The following ANTXR2 variants were observed in gnomAD, a reference collection of about 807,000 sequenced individuals.
The protein encoded by ANTXR2 is anthrax toxin receptor 2.
Under a neutral mutation model 73.7 loss-of-function variants are expected in ANTXR2, and 44 were observed. That is an observed-to-expected ratio of 0.60 (90% CI 0.47 to 0.77). The LOEUF is 0.77. Ranked by LOEUF, ANTXR2 falls within the 30% of genes least tolerant of loss-of-function variation. ANTXR2 has a pLI of 0.00. For missense variants in ANTXR2, 604 were observed against 592.5 expected (o/e 1.02, Z -0.20); for synonymous variants, 217 against 205.9 (o/e 1.05, Z -0.46).
Position 80,008,572 on chromosome 4 carries a change from T to C in ANTXR2, c.990A>G (p.Leu330=). Residue 330 remains leucine (L), a synonymous_variant, in exon 12 of 17, where the codon CTA becomes CTG. Transcript: ENST00000403729. ...ACCACATCAAACCGATCCCCAGGAG[T>C]AGCAGTAACACCAAAATAACAATGA... ...AAIIVILVLL[L]LLGIGLMWWF... The C allele has an allele frequency of 6.2e-7, 1 of 1,607,044 alleles. No individual in the cohort carries two copies. The highest frequency in any genetic ancestry group is 1.3e-5 in the African/African-American group (1 of 74,580).
intron 3 of ANTXR2, among the ~76,000 whole-genome samples, chr4:80,058,514 A>G (rs1734104474): frequency 1.3e-5 from 2 of 152,060 alleles, no homozygotes; most frequent in South Asian, 4.1e-4. Flanking sequence ...ACTTTAGGGG[A>G]AACAAAGGCC....
chr4:79,978,153 A>C lies in ANTXR2; in HGVS notation c.1201T>G (p.Ser401Ala). Residue 401 changes from serine (S) to alanine (A), a missense_variant, in exon 15 of 17, where the codon TCT becomes GCT. Transcript: ENST00000403729. ...TCTAGCCTTGCACCTTCCTCAGTAG[A>C]TCCTTTATCACCCCAACGAACCTGT... is the stretch of plus-strand genomic sequence containing the variant. ...RMEVRWGDKG[S>A]TEEGARLEKA... 3 of 1,613,828 alleles carry C rather than the reference A, an allele frequency of 1.9e-6. No homozygotes were observed. Among genetic ancestry groups the C allele is most frequent in the Non-Finnish European group, 2.5e-6 (3 of 1,179,830 alleles).
At chr4:80,029,813 G>C (rs1024881639) in intron 10 of ANTXR2, among the ~76,000 whole-genome samples, 1 of 151,662 alleles carries the variant, frequency 6.6e-6, no homozygotes, top group African/African-American at 2.4e-5. Context: ...GCAGGTGCAG[G>C]AGTGTGCAGG....
chr4:79,988,729 G>A (rs533503134), intron 12 of ANTXR2, among the ~76,000 whole-genome samples: 22 of 152,056 alleles, frequency 1.4e-4, no homozygotes, highest in African/African-American at 4.8e-4. Flanking sequence ...CTCTAAGATC[G>A]ACCACATGCT....
At chr4:80,038,395 A>G (rs538886001) in intron 7 of ANTXR2, among the ~76,000 whole-genome samples, 4 of 152,204 alleles carry the variant, frequency 2.6e-5, no homozygotes, top group African/African-American at 9.6e-5. Flanking sequence ...TCTCCTAAGG[A>G]GATCTCTTTA....
chr4:79,957,271 TC>T (rs957884173), intron 16 of ANTXR2, among the ~76,000 whole-genome samples: 9 of 152,210 alleles, frequency 5.9e-5, no homozygotes, highest in Non-Finnish European at 8.8e-5. Context: ...ATAAATAAAA[TC>T]TAAATCCTTA....
In ANTXR2 at chr4:79,901,580, T is replaced by TG. The variant is rs1242168364; in HGVS notation, c.*5848dup. ...GCCAATTTTTCCACAGACCGGGGGG[T>TG]GGGGGGTGGGGATGGTTTCAGGATA... On this transcript the variant is annotated 3_prime_UTR_variant, in exon 17 of 17. Transcript: ENST00000403729. The TG allele has an allele frequency of 1.3e-5, 1 of 78,152 alleles. No homozygotes were observed. Among genetic ancestry groups the TG allele is most frequent in the Non-Finnish European group, 2.5e-5 (1 of 39,652 alleles). 4.8% of individuals were successfully genotyped at this position (78,152 alleles called of 1,614,324 possible). A position where few individuals can be genotyped will look rare whatever the true frequency, so the allele number is the denominator to read the frequency against.
chr4:80,072,543 G>A lies in ANTXR2; in HGVS notation c.18C>T (p.Ser6=). The A allele has an allele frequency of 6.3e-7, 1 of 1,579,710 alleles. No individual in the cohort carries two copies. The highest frequency in any genetic ancestry group is 8.6e-7 in the Non-Finnish European group (1 of 1,164,498). The change falls in exon 1 of 17, where the codon TCC becomes TCT. Residue 6 remains serine (S), a synonymous_variant. Coordinates refer to ENST00000403729, the MANE Select transcript of ANTXR2 (RefSeq NM_058172.6). MVAER[S]PARSPGSWLF... is the part of the protein sequence containing the mutation. ...GCCAGCTCCCGGGGCTGCGGGCCGG[G>A]GACCGCTCCGCCACCATCCTGCGGC...
At chr4:80,037,110 C>T (rs540079470) in intron 7 of ANTXR2, among the ~76,000 whole-genome samples, 2 of 152,250 alleles carry the variant, frequency 1.3e-5, no homozygotes, top group Non-Finnish European at 2.9e-5. Flanking sequence ...GACAACAATC[C>T]TGTCTTTATT....
At chr4:80,045,017 T>C (rs964942921) in intron 7 of ANTXR2, among the ~76,000 whole-genome samples, 4 of 151,832 alleles carry the variant, frequency 2.6e-5, no homozygotes, top group African/African-American at 9.7e-5. Context: ...GAGAAGTTAT[T>C]TGAATTAATC....
At chr4:79,929,252 C>A (rs1184317163) in intron 16 of ANTXR2, among the ~76,000 whole-genome samples, 1 of 152,062 alleles carries the variant, frequency 6.6e-6, no homozygotes, top group Admixed American at 6.6e-5. Context: ...CAGTGGCTCA[C>A]CCCTGTAATC....
rs972685845 is a variant in ANTXR2 at position 80,060,822 on chromosome 4, G to C, written c.297-4809C>G. Among the ~76,000 whole-genome samples the C allele has an allele frequency of 2.0e-5, 3 of 152,236 alleles. No homozygotes were observed. The South Asian group carries it at 6.2e-4, about 32-fold the overall frequency. ...CTTGGAACAGATCTCCTTCAGATAA[G>C]GGGAGTCTAGTGTACCCCAAAATTA... On this transcript the variant is annotated intron_variant, in intron 3 of 16. Coordinates refer to ENST00000403729, the MANE Select transcript of ANTXR2 (RefSeq NM_058172.6).
At chr4:80,070,348 A>G (rs994780264) in intron 2 of ANTXR2, among the ~76,000 whole-genome samples, 2 of 152,260 alleles carry the variant, frequency 1.3e-5, no homozygotes, top group African/African-American at 2.4e-5. Flanking sequence ...TTCCAACTTA[A>G]AAACCAGATC....
intron 14 of ANTXR2, among the ~76,000 whole-genome samples, chr4:79,982,446 G>A (rs534801070): frequency 3.3e-5 from 5 of 152,130 alleles, no homozygotes; most frequent in South Asian, 2.1e-4. Context: ...GTTACAGATC[G>A]TATTTGGATA....
chr4:79,934,960 G>C (rs1045905313), intron 16 of ANTXR2, among the ~76,000 whole-genome samples: 6 of 152,068 alleles, frequency 3.9e-5, no homozygotes, highest in African/African-American at 1.2e-4. Context: ...AAGAAAACTG[G>C]GAGGGATAGC....
intron 11 of ANTXR2, among the ~76,000 whole-genome samples, chr4:80,008,935 T>G (rs780041908): frequency 9.9e-5 from 15 of 152,216 alleles, no homozygotes; most frequent in Non-Finnish European, 2.1e-4. Context: ...CTATCTTTCA[T>G]GTAAGGATTA....
intron 16 of ANTXR2, among the ~76,000 whole-genome samples, chr4:79,975,811 G>C (rs958175649): frequency 6.6e-6 from 1 of 152,014 alleles, no homozygotes; most frequent in Non-Finnish European, 1.5e-5. Flanking sequence ...TCATGACAGA[G>C]ACTGCTTTAT....
chr4:80,023,754 G>A (rs1201840696), intron 10 of ANTXR2, among the ~76,000 whole-genome samples: 3 of 152,154 alleles, frequency 2.0e-5, no homozygotes, highest in Non-Finnish European at 2.9e-5. Context: ...GAAAGGGACA[G>A]GGACAGAACA....
chr4:79,960,873 C>T (rs1729114533), intron 16 of ANTXR2, among the ~76,000 whole-genome samples: 2 of 151,476 alleles, frequency 1.3e-5, no homozygotes, highest in Admixed American at 1.3e-4. Flanking sequence ...TATACAAATC[C>T]TAGTGTTTTA....
Sources: allele counts gnomAD v4.1 joint callset (sites outside exome capture counted in the v4.1 genomes callset), GRCh38; gene constraint gnomAD v4.1.1; transcripts MANE v1.5; gene names NCBI Gene and HGNC (gene_info 2026-07-23, HGNC 2026-07-21).